Variants in AOPEP observed in about 807,000 individuals in gnomAD.
AOPEP encodes aminopeptidase O (putative), also known as aminopeptidase O.
Under a neutral mutation model 98.1 loss-of-function variants are expected in AOPEP, and 77 were observed. The ratio of observed to expected loss-of-function variants is 0.78; its 90% CI spans 0.65 to 0.95. The LOEUF (loss-of-function observed/expected upper bound fraction) is 0.95. Among genes scored for constraint, AOPEP ranks in the 40% least tolerant of loss-of-function variants. AOPEP has a pLI of 0.00. For synonymous variants in AOPEP, 346 were observed against 365.3 expected, an observed-to-expected ratio of 0.95 and a Z score of 0.60; for missense variants, 1,024 against 1,024.7, an observed-to-expected ratio of 1.00 and a Z score of 0.01.
At chr9:95,149,169 AAC>A in the AOPEP span, among the ~76,000 whole-genome samples, 2 of 152,312 alleles carry the variant, frequency 1.3e-5, no homozygotes, top group South Asian at 2.1e-4. Context: ...TTAAGTAACA[AAC>A]ACATTTTTAA....
intron 5 of AOPEP, among the ~76,000 whole-genome samples, chr9:94,859,928 C>T (rs149183165): frequency 1.7e-3 from 252 of 152,324 alleles, no homozygotes; most frequent in African/African-American, 5.8e-3. Context: ...CTAAATTCTT[C>T]GGCTACAGTG....
intron 1 of AOPEP, among the ~76,000 whole-genome samples, chr9:94,751,420 T>C (rs1835749274): frequency 6.6e-6 from 1 of 152,194 alleles, no homozygotes; most frequent in African/African-American, 2.4e-5. Flanking sequence ...AAAACTGTGT[T>C]TGTTGTGCTA....
At chr9:94,963,521 G>C (rs1208646259) in intron 9 of AOPEP, among the ~76,000 whole-genome samples, 1 of 152,114 alleles carries the variant, frequency 6.6e-6, no homozygotes, top group Non-Finnish European at 1.5e-5. Flanking sequence ...ATTGGAGTGT[G>C]GGCTTGTAAC....
At chr9:94,756,877 G>T (rs1330098653) in intron 1 of AOPEP, among the ~76,000 whole-genome samples, 3 of 152,118 alleles carry the variant, frequency 2.0e-5, no homozygotes, top group African/African-American at 7.2e-5. Flanking sequence ...ACTTGATCCA[G>T]CATTGCCTGT....
intron 7 of AOPEP, among the ~76,000 whole-genome samples, chr9:94,942,745 A>G (rs1158338967): frequency 1.3e-5 from 2 of 152,192 alleles, no homozygotes; most frequent in Non-Finnish European, 2.9e-5. Flanking sequence ...GGATCAACAT[A>G]CAAAAGTTAG....
chr9:94,957,596 G>T (rs1003105063), intron 9 of AOPEP, among the ~76,000 whole-genome samples: 1 of 152,196 alleles, frequency 6.6e-6, no homozygotes, highest in Non-Finnish European at 1.5e-5. Context: ...CCCTTTGAAA[G>T]TCTACAAGTC....
At chr9:94,773,736 G>A (rs1368358998) in intron 3 of AOPEP, among the ~76,000 whole-genome samples, 1 of 152,196 alleles carries the variant, frequency 6.6e-6, no homozygotes, top group African/African-American at 2.4e-5. Flanking sequence ...AACTTTTTCA[G>A]TGGAGATCCT....
intron 7 of AOPEP, among the ~76,000 whole-genome samples, chr9:94,947,244 G>C (rs1287457169): frequency 6.6e-6 from 1 of 151,540 alleles, no homozygotes; most frequent in Non-Finnish European, 1.5e-5. Flanking sequence ...GCCTCCCAAA[G>C]TGCTGGGATT....
chr9:94,971,147 T>C (rs2059510579), intron 10 of AOPEP, among the ~76,000 whole-genome samples: 1 of 152,140 alleles, frequency 6.6e-6, no homozygotes, highest in African/African-American at 2.4e-5. Flanking sequence ...GAATATTTAT[T>C]GAGGCTGCAC....
the AOPEP span, among the ~76,000 whole-genome samples, chr9:95,124,275 C>T: frequency 6.6e-6 from 1 of 152,206 alleles, no homozygotes; most frequent in East Asian, 1.9e-4. Context: ...AGATGAGATG[C>T]ACTGGACCAG....
At chr9:95,007,026 C>G (rs544428342) in intron 13 of AOPEP, among the ~76,000 whole-genome samples, 1 of 151,690 alleles carries the variant, frequency 6.6e-6, no homozygotes, top group East Asian at 1.9e-4. Context: ...CTCAGCCTCC[C>G]GAATAGCTGG....
intron 5 of AOPEP, among the ~76,000 whole-genome samples, chr9:94,803,027 T>C (rs1201578380): frequency 1.3e-5 from 2 of 152,320 alleles, no homozygotes; most frequent in East Asian, 3.9e-4. Context: ...GCTTTATTTA[T>C]GGTCGAGACT....
Position 94,909,003 on chromosome 9 carries a change from C to T in AOPEP, c.1365-14983C>T, listed in dbSNP as rs544337113. 2.6e-5 allele frequency among the ~76,000 whole-genome samples: 4 copies of T among 152,238 alleles called. No individual in the cohort carries two copies. In the South Asian group the frequency reaches 8.3e-4, roughly 32 times the overall value. On this transcript the variant is annotated intron_variant, in intron 5 of 16. Transcript: ENST00000375315. Reference sequence around the variant, plus strand: ...GTCATAGGTGGTAAATTCAGGAGAACTGAACTTGGCCTCCAAAATAAGCAA... The same window carrying T: ...GTCATAGGTGGTAAATTCAGGAGAATTGAACTTGGCCTCCAAAATAAGCAA...
intron 13 of AOPEP, among the ~76,000 whole-genome samples, chr9:95,011,981 TTCATA>T (rs1274495667): frequency 3.3e-5 from 5 of 152,232 alleles, no homozygotes; most frequent in African/African-American, 1.2e-4. Flanking sequence ...AATGGAACTA[TTCATA>T]TCATAATAGC....
At chr9:95,037,546 A>G (rs1408427150) in intron 13 of AOPEP, among the ~76,000 whole-genome samples, 1 of 152,190 alleles carries the variant, frequency 6.6e-6, no homozygotes, top group Non-Finnish European at 1.5e-5. Flanking sequence ...TAAGATATTC[A>G]CATTTCTTTT....
intron 5 of AOPEP, among the ~76,000 whole-genome samples, chr9:94,895,083 G>A (rs911131235): frequency 6.6e-6 from 1 of 151,678 alleles, no homozygotes; most frequent in African/African-American, 2.4e-5. Flanking sequence ...TAATCAAAAG[G>A]CAGCATGAGG....
At chr9:94,887,495 C>T (rs1411393623) in intron 5 of AOPEP, among the ~76,000 whole-genome samples, 1 of 152,136 alleles carries the variant, frequency 6.6e-6, no homozygotes, top group Non-Finnish European at 1.5e-5. Flanking sequence ...CCTTTCCAAG[C>T]CTTACCTCTG....
At chr9:95,029,024 T>C (rs1368137202) in intron 13 of AOPEP, among the ~76,000 whole-genome samples, 1 of 152,170 alleles carries the variant, frequency 6.6e-6, no homozygotes, top group Non-Finnish European at 1.5e-5. Context: ...TGGGGCAGAG[T>C]TTCCAGGTAG....
chr9:95,117,386 C>T, the AOPEP span: 18 of 1,613,022 alleles, frequency 1.1e-5, no homozygotes, highest in Admixed American at 8.3e-5. Context: ...GAGTGCAAAC[C>T]GCAGCTGCCA....
Sources: gnomAD v4.1 joint callset for allele counts (sites outside exome capture counted in the v4.1 genomes callset) on GRCh38, gnomAD v4.1.1 for gene constraint, MANE v1.5 for transcripts, NCBI Gene and HGNC (gene_info 2026-07-23, HGNC 2026-07-21) for gene names.